The following LIX1 variants were observed in gnomAD, a reference collection of about 807,000 sequenced individuals.
The protein encoded by LIX1 is protein limb expression 1 homolog.
A neutral mutation model predicts 33.4 loss-of-function variants in LIX1; 24 were observed. The ratio of observed to expected loss-of-function variants is 0.72; its 90% CI spans 0.52 to 1.01. LIX1 has a LOEUF of 1.01. Among genes scored for constraint, LIX1 ranks in the 50% least tolerant of loss-of-function variants. LIX1 has a pLI of 0.00. For missense variants in LIX1, 311 were observed against 339.2 expected, an observed-to-expected ratio of 0.92 and a Z score of 0.65; for synonymous variants, 124 against 124.0, an observed-to-expected ratio of 1.00 and a Z score of 0.00.
In LIX1 at chr5:97,096,890, A is replaced by G; in HGVS notation, c.484-3T>C. On this transcript the variant is annotated splice_region_variant and splice_polypyrimidine_tract_variant and intron_variant, in intron 4 of 5. Transcript: ENST00000274382. ...AGTTGGAAAATGGTCATCAGCTCCT[A>G]CAAAACCCAAACACCTATCATTGGT... 1.2e-6 allele frequency: 2 copies of G among 1,612,784 alleles called. No homozygotes were observed. The highest frequency in any genetic ancestry group is 1.7e-6 in the Non-Finnish European group (2 of 1,178,742).
In LIX1 at chr5:97,107,511, G is replaced by A. The variant is rs1747122819; in HGVS notation, c.247-11C>T. On this transcript the variant is annotated splice_polypyrimidine_tract_variant and intron_variant, in intron 2 of 5. Transcript: ENST00000274382. ...TCTACTTAAGCAGCACTTGAGAAGG[G>A]AGGGAGAAAAGGAGTCATTTGAGAA... is the stretch of plus-strand genomic sequence containing the variant. The A allele has an allele frequency of 6.2e-7, 1 of 1,613,776 alleles. No homozygotes were observed. The highest frequency in any genetic ancestry group is 8.5e-7 in the Non-Finnish European group (1 of 1,179,844).
chr5:97,114,349 CTAAA>C (rs538427725), intron 2 of LIX1, among the ~76,000 whole-genome samples: 51 of 152,138 alleles, frequency 3.4e-4, no homozygotes, highest in African/African-American at 1.2e-3. Context: ...AATTCAAAAA[CTAAA>C]TAAATAAAAC....
At chr5:97,109,585 A>G (rs780640991) in intron 2 of LIX1, among the ~76,000 whole-genome samples, 3 of 151,550 alleles carry the variant, frequency 2.0e-5, no homozygotes, top group Admixed American at 1.3e-4. Flanking sequence ...TTTATTTTTT[A>G]TTTCAATAGT....
At chr5:97,115,769 A>G (rs767651033) in intron 2 of LIX1, among the ~76,000 whole-genome samples, 30 of 151,934 alleles carry the variant, frequency 2.0e-4, no homozygotes, top group Admixed American at 6.6e-4. Flanking sequence ...AAAAAAAAAA[A>G]AAGAACAGTA....
chr5:97,127,466 A>G (rs2112791774), intron 1 of LIX1, among the ~76,000 whole-genome samples: 1 of 152,338 alleles, frequency 6.6e-6, no homozygotes, highest in South Asian at 2.1e-4. Context: ...AGTGCAATAT[A>G]TATACATACA....
intron 1 of LIX1, among the ~76,000 whole-genome samples, chr5:97,126,637 C>CTTTTTTTTT (rs1016872695): frequency 8.1e-6 from 1 of 123,640 alleles, no homozygotes; most frequent in African/African-American, 3.1e-5. Flanking sequence ...TATTTTCTTT[C>CTTTTTTTTT]TTTTTTTTTT....
At chr5:97,138,599 C>T (rs1748217577) in intron 1 of LIX1, among the ~76,000 whole-genome samples, 1 of 152,192 alleles carries the variant, frequency 6.6e-6, no homozygotes, top group Non-Finnish European at 1.5e-5. Flanking sequence ...TCTGTCTCTG[C>T]CTCCCCCAGC....
rs1171640966 is a variant in LIX1, at chr5:97,092,349, T to C, written c.*2399A>G. ...TGTTTAAATAGGGAATCTTCCACTC[T>C]AGTCCCCTTTATCACAGTGTGTTGT... On this transcript the variant is annotated 3_prime_UTR_variant, in exon 6 of 6. Coordinates refer to ENST00000274382, the MANE Select transcript of LIX1 (RefSeq NM_153234.5). 1 of 152,290 alleles carries C rather than the reference T, an allele frequency of 6.6e-6. No homozygotes were observed. Among genetic ancestry groups the C allele is most frequent in the Non-Finnish European group, 1.5e-5 (1 of 68,030 alleles). The allele number at this position is 152,290 out of a possible 1,614,324, so 9.4% of individuals were successfully genotyped here.
chr5:97,097,397 T>C (rs1241218068), intron 4 of LIX1, among the ~76,000 whole-genome samples: 4 of 152,224 alleles, frequency 2.6e-5, no homozygotes, highest in African/African-American at 9.6e-5. Flanking sequence ...TTCTATGATG[T>C]GTTAAAATAA....
At chr5:97,106,993 A>G (rs1310049227) in intron 3 of LIX1, among the ~76,000 whole-genome samples, 1 of 152,158 alleles carries the variant, frequency 6.6e-6, no homozygotes, top group Admixed American at 6.5e-5. Context: ...AAGTTCGGGG[A>G]AAATGGAGCT....
chr5:97,125,062 T>A (rs909742878), intron 1 of LIX1, among the ~76,000 whole-genome samples: 1 of 152,158 alleles, frequency 6.6e-6, no homozygotes, highest in Non-Finnish European at 1.5e-5. Flanking sequence ...TCTCATAGAT[T>A]CTTAAGCCTG....
At chr5:97,121,013 T>C (rs1747769949) in intron 2 of LIX1, among the ~76,000 whole-genome samples, 1 of 152,190 alleles carries the variant, frequency 6.6e-6, no homozygotes, top group Non-Finnish European at 1.5e-5. Context: ...CTTTTTTCCT[T>C]AATCGGAAAT....
At chr5:97,133,702 A>G (rs1377535698) in intron 1 of LIX1, among the ~76,000 whole-genome samples, 1 of 152,244 alleles carries the variant, frequency 6.6e-6, no homozygotes, top group Admixed American at 6.5e-5. Flanking sequence ...ATAAATGGAT[A>G]AAATGCTACA....
At chr5:97,095,148 C>G in intron 5 of LIX1, 113 bp from the exon 6 acceptor site, 1 of 1,005,434 alleles carries the variant, frequency 9.9e-7, no homozygotes, top group Non-Finnish European at 1.4e-6. Context: ...AACCCCATCT[C>G]TCTCATGTTC....
intron 2 of LIX1, among the ~76,000 whole-genome samples, chr5:97,109,001 T>G (rs921593578): frequency 6.6e-6 from 1 of 152,146 alleles, no homozygotes. Context: ...CCATCCTATC[T>G]GCCCTCTGTT....
At chr5:97,096,350 A>T (rs1414486419) in intron 5 of LIX1, among the ~76,000 whole-genome samples, 1 of 152,154 alleles carries the variant, frequency 6.6e-6, no homozygotes, top group Non-Finnish European at 1.5e-5. Flanking sequence ...CTTTATAATC[A>T]TTTCTGTTGT....
intron 2 of LIX1, 60 bp from the exon 3 acceptor site, chr5:97,107,560 C>G: frequency 6.5e-7 from 1 of 1,541,038 alleles, no homozygotes; most frequent in Non-Finnish European, 9.0e-7. Context: ...CATTCCACTC[C>G]TGCATCAATG....
At chr5:97,095,172 A>AGTGGGTTTTGGTTTC in intron 5 of LIX1, 137 bp from the exon 6 acceptor site, 1 of 843,960 alleles carries the variant, frequency 1.2e-6, no homozygotes, top group Non-Finnish European at 1.8e-6. Context: ...AACTGAAACC[A>AGTGGGTTTTGGTTTC]AAACCCACTG....
At chr5:97,124,735 T>A in intron 1 of LIX1, 106 bp from the exon 2 acceptor site, 1 of 859,748 alleles carries the variant, frequency 1.2e-6, no homozygotes, top group Non-Finnish European at 1.8e-6. Context: ...AGTTCCAGTT[T>A]AAGTAGAGCT....
Sources: allele counts gnomAD v4.1 joint callset (sites outside exome capture counted in the v4.1 genomes callset), GRCh38; gene constraint gnomAD v4.1.1; transcripts MANE v1.5; gene names NCBI Gene and HGNC (gene_info 2026-07-23, HGNC 2026-07-21).